CYB5R4: variants seen among roughly 807,000 people sequenced by gnomAD.
CYB5R4 encodes cytochrome b5 reductase 4.
In CYB5R4, 55 loss-of-function variants were observed where a neutral mutation model predicts 70.2. The ratio of observed to expected loss-of-function variants is 0.78; its 90% CI spans 0.63 to 0.98. The LOEUF (loss-of-function observed/expected upper bound fraction) is 0.98, where lower values mean the gene tolerates loss of function less well. CYB5R4 is among the 50% of genes least tolerant of loss of function. The pLI is 0.00. For missense variants in CYB5R4, 562 were observed against 612.6 expected, an observed-to-expected ratio of 0.92 and a Z score of 0.87; for synonymous variants, 197 against 199.5, an observed-to-expected ratio of 0.99 and a Z score of 0.11.
intron 3 of CYB5R4, among the ~76,000 whole-genome samples, chr6:83,904,486 G>GA (rs939847182): frequency 2.6e-5 from 4 of 151,900 alleles, no homozygotes; most frequent in African/African-American, 4.8e-5. Flanking sequence ...ATGTGCTGAT[G>GA]AAAAAAAATG....
At chr6:83,909,588 A>G (rs941938174) in intron 4 of CYB5R4, among the ~76,000 whole-genome samples, 2 of 152,186 alleles carry the variant, frequency 1.3e-5, no homozygotes, top group Non-Finnish European at 2.9e-5. Flanking sequence ...AAAAGTGAAG[A>G]TACTGAGGCT....
intron 2 of CYB5R4, among the ~76,000 whole-genome samples, chr6:83,864,544 G>A (rs547453231): frequency 2.0e-5 from 3 of 152,232 alleles, no homozygotes; most frequent in African/African-American, 7.2e-5. Context: ...CTTCTGATAC[G>A]AAAAAGTTTT....
chr6:83,907,346 G>A (rs2099463954), intron 3 of CYB5R4, among the ~76,000 whole-genome samples: 1 of 152,132 alleles, frequency 6.6e-6, no homozygotes. Context: ...AACAAATACT[G>A]TCAGTTCTTT....
chr6:83,960,011 A>G lies in CYB5R4; in HGVS notation c.*133A>G. 1.6e-6 allele frequency: 1 copy of G among 641,454 alleles called. No individual in the cohort carries two copies. The highest frequency in any genetic ancestry group is 2.5e-6 in the Non-Finnish European group (1 of 401,678). 39.7% of individuals were successfully genotyped at this position (641,454 alleles called of 1,614,324 possible). ...AGCCTTCAGTTTCTTAAATGAAATC[A>G]AATGTTCCTTCAGTACAGGTAACTT... On this transcript the variant is annotated 3_prime_UTR_variant, in exon 16 of 16. Coordinates refer to ENST00000369681, the MANE Select transcript of CYB5R4 (RefSeq NM_016230.4).
At chr6:83,944,663 C>G (rs947251502) in intron 14 of CYB5R4, among the ~76,000 whole-genome samples, 1 of 151,956 alleles carries the variant, frequency 6.6e-6, no homozygotes, top group Non-Finnish European at 1.5e-5. Flanking sequence ...GAGTCAAGAC[C>G]CATCAGTGTG....
chr6:83,901,605 C>G (rs1022169894), intron 3 of CYB5R4, among the ~76,000 whole-genome samples: 2 of 152,064 alleles, frequency 1.3e-5, no homozygotes, highest in Non-Finnish European at 2.9e-5. Context: ...ACCAATCAGA[C>G]GTAGATTTGG....
intron 10 of CYB5R4, among the ~76,000 whole-genome samples, chr6:83,928,032 G>A (rs922147801): frequency 2.0e-5 from 3 of 152,164 alleles, no homozygotes; most frequent in African/African-American, 7.2e-5. Flanking sequence ...AGTTTTAGGA[G>A]CTCAATGTCA....
intron 2 of CYB5R4, among the ~76,000 whole-genome samples, chr6:83,890,421 C>T (rs1588565642): frequency 6.6e-6 from 1 of 151,830 alleles, no homozygotes; most frequent in African/African-American, 2.4e-5. Flanking sequence ...GAAATTGCTG[C>T]GTGATAAAAC....
intron 3 of CYB5R4, among the ~76,000 whole-genome samples, chr6:83,895,223 T>C (rs2129134471): frequency 6.6e-6 from 1 of 152,232 alleles, no homozygotes; most frequent in Non-Finnish European, 1.5e-5. Context: ...TGGAGTGCAG[T>C]GGTGTGATCT....
chr6:83,961,354 C>CTGTGT lies in CYB5R4; in HGVS notation c.*1477_*1481dup, dbSNP rs1245104787. The CTGTGT allele has an allele frequency of 2.6e-5, 4 of 151,868 alleles. No individual in the cohort carries two copies. Among genetic ancestry groups the CTGTGT allele is most frequent in the Non-Finnish European group, 5.9e-5 (4 of 68,004 alleles). 9.4% of individuals were successfully genotyped at this position (151,868 alleles called of 1,614,324 possible). On this transcript the variant is annotated 3_prime_UTR_variant, in exon 16 of 16. Transcript: ENST00000369681. ...CATCTAAGGGTGAGGTGATTTGGCTCTGTGTCCTCACCCAAATCTCCTCTC... is the reference window on the plus strand; with the variant it reads ...CATCTAAGGGTGAGGTGATTTGGCTCTGTGTTGTGTCCTCACCCAAATCTCCTCTC...
chr6:83,917,923 A>G (rs1168018205), intron 5 of CYB5R4, 82 bp from the exon 6 acceptor site: 3 of 1,010,636 alleles, frequency 3.0e-6, no homozygotes, highest in African/African-American at 1.6e-5. Context: ...AATATATGTG[A>G]TATTTCACTA....
chr6:83,903,135 A>G (rs557729978), intron 3 of CYB5R4, among the ~76,000 whole-genome samples: 19 of 152,102 alleles, frequency 1.2e-4, no homozygotes, highest in Non-Finnish European at 2.6e-4. Flanking sequence ...TCCCAGTGCA[A>G]TATGTTGTTA....
At chr6:83,878,455 C>T (rs1358815869) in intron 2 of CYB5R4, among the ~76,000 whole-genome samples, 1 of 152,024 alleles carries the variant, frequency 6.6e-6, no homozygotes, top group Non-Finnish European at 1.5e-5. Context: ...TCACGCCATT[C>T]TTCTGCCTCA....
intron 14 of CYB5R4, among the ~76,000 whole-genome samples, chr6:83,950,959 A>G (rs1391053030): frequency 6.6e-6 from 1 of 152,076 alleles, no homozygotes; most frequent in Non-Finnish European, 1.5e-5. Flanking sequence ...ACCTTAAGCA[A>G]CTCTGCCACC....
intron 2 of CYB5R4, among the ~76,000 whole-genome samples, chr6:83,891,240 C>T (rs2099461079): frequency 6.6e-6 from 1 of 152,184 alleles, no homozygotes; most frequent in Non-Finnish European, 1.5e-5. Flanking sequence ...AGCCGCCATG[C>T]CTGGCCTAAA....
rs574289743 is a variant in CYB5R4 at position 83,901,606 on chromosome 6, G to A, written c.331-7403G>A. ...TCACTTTCAGGTACACCAATCAGAC[G>A]TAGATTTGGTCTTTTCACATAGTCC... On this transcript the variant is annotated intron_variant, in intron 3 of 15. Transcript: ENST00000369681. 1.5e-4 allele frequency among the ~76,000 whole-genome samples: 23 copies of A among 152,088 alleles called. No homozygotes were observed. In the East Asian group the frequency reaches 3.3e-3, roughly 22 times the overall value.
At chr6:83,865,410 G>A (rs1009741219) in intron 2 of CYB5R4, among the ~76,000 whole-genome samples, 20 of 152,162 alleles carry the variant, frequency 1.3e-4, no homozygotes, top group Admixed American at 2.0e-4. Context: ...TGATTAGGGT[G>A]TCAGCAGGGT....
chr6:83,961,573 T>G lies in CYB5R4; in HGVS notation c.*1695T>G, dbSNP rs892175008. 7 of 152,386 alleles carry G rather than the reference T, an allele frequency of 4.6e-5. No homozygotes were observed. The highest frequency in any genetic ancestry group is 1.3e-4 in the Admixed American group (2 of 15,278). 9.4% of individuals were successfully genotyped at this position (152,386 alleles called of 1,614,324 possible). On this transcript the variant is annotated 3_prime_UTR_variant, in exon 16 of 16. Coordinates refer to ENST00000369681, the MANE Select transcript of CYB5R4 (RefSeq NM_016230.4). The stretch of plus-strand genomic sequence containing the variant: ...CTTGCTTCTTCTTTGCTTTCTACCA[T>G]AATTGTACATTTCCTGAGGCCTCCC...
intron 1 of CYB5R4, among the ~76,000 whole-genome samples, chr6:83,863,332 A>G (rs1241368316): frequency 1.3e-5 from 2 of 152,106 alleles, no homozygotes; most frequent in African/African-American, 2.4e-5. Context: ...AGAAACAGGT[A>G]CAGGCCATAG....
Sources: allele counts gnomAD v4.1 joint callset (sites outside exome capture counted in the v4.1 genomes callset), GRCh38; gene constraint gnomAD v4.1.1; transcripts MANE v1.5; gene names NCBI Gene and HGNC (gene_info 2026-07-23, HGNC 2026-07-21).